The following ABLIM1 variants were observed in gnomAD, a reference collection of about 807,000 sequenced individuals.
ABLIM1 encodes actin binding LIM protein 1.
In ABLIM1, 40 loss-of-function variants were observed where a neutral mutation model predicts 107.0. That is an observed-to-expected ratio of 0.37 (90% CI 0.29 to 0.49). ABLIM1 has a LOEUF of 0.49. Ranked by LOEUF, ABLIM1 falls within the 20% of genes least tolerant of loss-of-function variation. The probability of loss-of-function intolerance (pLI) is 0.97; values close to 1 mark genes in which losing one functional copy is unlikely to be tolerated. For missense variants in ABLIM1, 857 were observed against 1,008.5 expected, an observed-to-expected ratio of 0.85 and a Z score of 2.04; for synonymous variants, 357 against 357.3, an observed-to-expected ratio of 1.00 and a Z score of 0.01.
At chr10:114,613,048 C>G (rs890399675) in intron 1 of ABLIM1, among the ~76,000 whole-genome samples, 1 of 152,226 alleles carries the variant, frequency 6.6e-6, no homozygotes, top group African/African-American at 2.4e-5. Context: ...TCCCAGCTGT[C>G]CTTGCCTTTT....
intron 6 of ABLIM1, among the ~76,000 whole-genome samples, chr10:114,533,021 C>G (rs2065612164): frequency 6.6e-6 from 1 of 152,094 alleles, no homozygotes; most frequent in Non-Finnish European, 1.5e-5. Flanking sequence ...CTAAAATTAG[C>G]CTGTAGTAGA....
Position 114,435,317 on chromosome 10 carries a change from A to G in ABLIM1, c.*943T>C, listed in dbSNP as rs1797012257. 1 of 152,282 alleles carries G rather than the reference A, an allele frequency of 6.6e-6. No homozygotes were observed. The highest frequency in any genetic ancestry group is 2.4e-5 in the African/African-American group (1 of 41,478). The allele number at this position is 152,282 out of a possible 1,614,324, so 9.4% of individuals were successfully genotyped here. ...ACAGCAGAGGATAACGACTGGAAGA[A>G]CTAGAGTCAGTAGGACATGGGACTT... On this transcript the variant is annotated 3_prime_UTR_variant, in exon 23 of 23. Coordinates refer to ENST00000533213, the MANE Select transcript of ABLIM1 (RefSeq NM_002313.7).
chr10:114,733,973 G>A (rs2082127468), intron 1 of ABLIM1, among the ~76,000 whole-genome samples: 1 of 151,984 alleles, frequency 6.6e-6, no homozygotes, highest in Admixed American at 6.6e-5. Flanking sequence ...CAATTCTCCT[G>A]CCTCAGCCTG....
At chr10:114,513,233 G>A (rs1400210822) in intron 6 of ABLIM1, among the ~76,000 whole-genome samples, 1 of 142,170 alleles carries the variant, frequency 7.0e-6, no homozygotes, top group African/African-American at 3.0e-5. Flanking sequence ...TAAACGTGAT[G>A]AATTTAGAAA....
At chr10:114,795,472 C>T in the ABLIM1 span, among the ~76,000 whole-genome samples, 1 of 152,074 alleles carries the variant, frequency 6.6e-6, no homozygotes, top group African/African-American at 2.4e-5. Context: ...TTTGGGAGGC[C>T]GAAGTGGGCG....
At chr10:114,612,269 TAAA>T (rs2076858250) in intron 1 of ABLIM1, among the ~76,000 whole-genome samples, 2 of 152,134 alleles carry the variant, frequency 1.3e-5, no homozygotes, top group African/African-American at 4.8e-5. Flanking sequence ...AGGTTGCTGA[TAAA>T]AGAATGAAGT....
At chr10:114,496,382 A>G (rs541388571) in intron 6 of ABLIM1, among the ~76,000 whole-genome samples, 34 of 152,334 alleles carry the variant, frequency 2.2e-4, no homozygotes, top group African/African-American at 7.7e-4. Context: ...CATTATCCTC[A>G]GCAAACTAAC....
At chr10:114,606,051 C>T (rs1348189765) in intron 1 of ABLIM1, among the ~76,000 whole-genome samples, 2 of 152,122 alleles carry the variant, frequency 1.3e-5, no homozygotes, top group Non-Finnish European at 2.9e-5. Flanking sequence ...GTCCACAAAG[C>T]TAAGCAGAGT....
At chr10:114,645,626 G>A (rs538241259) in intron 1 of ABLIM1, among the ~76,000 whole-genome samples, 1 of 152,288 alleles carries the variant, frequency 6.6e-6, no homozygotes, top group South Asian at 2.1e-4. Flanking sequence ...ATGTTCATCA[G>A]ACAGAATATA....
intron 7 of ABLIM1, among the ~76,000 whole-genome samples, chr10:114,491,012 G>GTGTGTGTGTGTGTGTGTGTGTATATA: frequency 1.1e-5 from 1 of 92,394 alleles, no homozygotes; most frequent in African/African-American, 4.6e-5. Context: ...GTGTGTGTGT[G>GTGTGTGTGTGTGTGTGTGTGTATATA]TATATATATA....
At chr10:114,686,353 TA>T (rs896199709), upstream of ABLIM1, among the ~76,000 whole-genome samples, 11 of 148,294 alleles carry the variant, frequency 7.4e-5, no homozygotes, top group Non-Finnish European at 1.3e-4. Flanking sequence ...TACTAAAAAT[TA>T]AAAAAAAAAT....
intron 14 of ABLIM1, among the ~76,000 whole-genome samples, chr10:114,450,859 G>T (rs909584392): frequency 6.6e-6 from 1 of 152,108 alleles, no homozygotes; most frequent in African/African-American, 2.4e-5. Context: ...ACCAGCTTTA[G>T]ATATCTTTTC....
At chr10:114,604,298 A>G (rs1330286893) in intron 1 of ABLIM1, among the ~76,000 whole-genome samples, 1 of 152,248 alleles carries the variant, frequency 6.6e-6, no homozygotes, top group Non-Finnish European at 1.5e-5. Flanking sequence ...GTTTGTATAA[A>G]TCAGAAAATT....
intron 1 of ABLIM1, among the ~76,000 whole-genome samples, chr10:114,751,630 G>A (rs1365794312): frequency 6.6e-6 from 1 of 151,610 alleles, no homozygotes; most frequent in Non-Finnish European, 1.5e-5. Flanking sequence ...CACACATGTA[G>A]TCCCAGCTAC....
intron 6 of ABLIM1, among the ~76,000 whole-genome samples, chr10:114,494,134 T>A (rs1298734668): frequency 6.6e-6 from 1 of 152,138 alleles, no homozygotes; most frequent in African/African-American, 2.4e-5. Context: ...ATGATAAAGG[T>A]AATGGTTCAA....
chr10:114,655,292 T>A (rs934281579), intron 1 of ABLIM1, among the ~76,000 whole-genome samples: 1 of 152,210 alleles, frequency 6.6e-6, no homozygotes, highest in Non-Finnish European at 1.5e-5. Context: ...TTACCTTTCC[T>A]GTATCCAGAA....
chr10:114,627,459 C>G (rs905498287), intron 1 of ABLIM1, among the ~76,000 whole-genome samples: 4 of 152,056 alleles, frequency 2.6e-5, no homozygotes, highest in Non-Finnish European at 5.9e-5. Context: ...GGTAAAGAAG[C>G]AAAGGGCAGC....
chr10:114,437,091 CCAGTATAAAT>C (rs1457477866), intron 22 of ABLIM1, among the ~76,000 whole-genome samples: 1 of 152,136 alleles, frequency 6.6e-6, no homozygotes, highest in African/African-American at 2.4e-5. Context: ...AGAAACTTGT[CCAGTATAAAT>C]CAGTATAAAT....
intron 10 of ABLIM1, among the ~76,000 whole-genome samples, chr10:114,472,100 G>T (rs544221330): frequency 3.5e-4 from 54 of 152,142 alleles, no homozygotes; most frequent in Non-Finnish European, 5.6e-4. Context: ...TAGCAACAAT[G>T]GTAGAAATTG....
Sources: gnomAD v4.1 joint callset for allele counts (sites outside exome capture counted in the v4.1 genomes callset) on GRCh38, gnomAD v4.1.1 for gene constraint, MANE v1.5 for transcripts, NCBI Gene and HGNC (gene_info 2026-07-23, HGNC 2026-07-21) for gene names.